FKBP5: variants seen among roughly 807,000 people sequenced by gnomAD.
The protein encoded by FKBP5 is FKBP prolyl isomerase 5.
A neutral mutation model predicts 50.5 loss-of-function variants in FKBP5; 23 were observed. The observed-to-expected ratio is 0.46, with a 90% confidence interval of 0.33 to 0.65. The LOEUF (loss-of-function observed/expected upper bound fraction) is 0.65. Ranked by LOEUF, FKBP5 falls within the 30% of genes least tolerant of loss-of-function variation. The probability of loss-of-function intolerance (pLI) is 0.02; values close to 1 mark genes in which losing one functional copy is unlikely to be tolerated. For synonymous variants in FKBP5, 176 were observed against 190.6 expected (o/e 0.92, Z 0.63); for missense variants, 411 against 553.1 (o/e 0.74, Z 2.58).
intron 3 of FKBP5, among the ~76,000 whole-genome samples, chr6:35,626,458 T>C (rs1332822826): frequency 1.3e-5 from 2 of 152,180 alleles, no homozygotes; most frequent in Admixed American, 1.3e-4. Flanking sequence ...GACTACATAA[T>C]GTTTTCTCCT....
intron 8 of FKBP5, 103 bp downstream of exon 8, chr6:35,586,931 C>T (rs765946412): frequency 1.3e-6 from 2 of 1,568,996 alleles, no homozygotes; most frequent in Non-Finnish European, 1.7e-6. Context: ...CTTATTCTTA[C>T]CAAGCAGTGT....
At chr6:35,628,974 C>A (rs1581832493) in intron 3 of FKBP5, among the ~76,000 whole-genome samples, 1 of 152,350 alleles carries the variant, frequency 6.6e-6, no homozygotes, top group Admixed American at 6.5e-5. Context: ...GCCTCGGCCT[C>A]CCAAAGTGCC....
intron 2 of FKBP5, 37 bp from the exon 3 acceptor site, chr6:35,637,195 C>G: frequency 1.3e-6 from 2 of 1,588,388 alleles, no homozygotes; most frequent in Non-Finnish European, 1.7e-6. Context: ...GGAGGTCAAA[C>G]TTTTTACTTG....
At chr6:35,612,754 C>T (rs576889968) in intron 5 of FKBP5, among the ~76,000 whole-genome samples, 13 of 152,310 alleles carry the variant, frequency 8.5e-5, no homozygotes, top group Non-Finnish European at 1.3e-4. Context: ...CATCAGATCT[C>T]GTGACAACTC....
intron 9 of FKBP5, among the ~76,000 whole-genome samples, chr6:35,577,598 T>TA (rs1178368680): frequency 6.6e-6 from 1 of 152,242 alleles, no homozygotes; most frequent in Non-Finnish European, 1.5e-5. Context: ...ACAGTTTGGT[T>TA]ACTAGCATGT....
intron 1 of FKBP5, among the ~76,000 whole-genome samples, chr6:35,675,547 G>C (rs1353537448): frequency 6.6e-6 from 1 of 152,166 alleles, no homozygotes; most frequent in Non-Finnish European, 1.5e-5. Flanking sequence ...TCCAGCCTGG[G>C]TGACAGAGAA....
At chr6:35,710,543 A>T (rs1422124078) in intron 2 of FKBP5, among the ~76,000 whole-genome samples, 1 of 152,220 alleles carries the variant, frequency 6.6e-6, no homozygotes, top group East Asian at 1.9e-4. Context: ...TGGAACTGTC[A>T]TACTTTGCTG....
chr6:35,617,859 A>C (rs756763779), intron 5 of FKBP5, among the ~76,000 whole-genome samples: 10 of 152,224 alleles, frequency 6.6e-5, no homozygotes, highest in Non-Finnish European at 1.2e-4. Context: ...AGAGTTAGCT[A>C]TCTCAGTCCT....
chr6:35,619,323 T>A, intron 4 of FKBP5, 113 bp from the exon 5 acceptor site: 1 of 631,450 alleles, frequency 1.6e-6, no homozygotes, highest in Non-Finnish European at 2.7e-6. Flanking sequence ...TGTTTTAAAA[T>A]ATATACATTC....
chr6:35,713,832 T>G (rs1766461035), intron 2 of FKBP5, among the ~76,000 whole-genome samples: 1 of 152,178 alleles, frequency 6.6e-6, no homozygotes, highest in Admixed American at 6.5e-5. Flanking sequence ...GCCCCACCTG[T>G]CCAACTACTA....
At chr6:35,622,424 G>A (rs1342964810) in intron 3 of FKBP5, among the ~76,000 whole-genome samples, 1 of 151,736 alleles carries the variant, frequency 6.6e-6, no homozygotes, top group Non-Finnish European at 1.5e-5. Flanking sequence ...GACAGGAGAA[G>A]AGCTTGAGCC....
At chr6:35,693,866 C>G (rs1267821647), upstream of FKBP5, among the ~76,000 whole-genome samples, 1 of 151,510 alleles carries the variant, frequency 6.6e-6, no homozygotes, top group Admixed American at 6.6e-5. Flanking sequence ...TCATGTATTT[C>G]CCAGTACCCT....
rs552906381 is a variant in FKBP5, at chr6:35,701,248, GTTTTT to G, written c.-20+19075_-20+19079del. On this transcript the variant is annotated intron_variant, in intron 2 of 11. Transcript: ENST00000536438. ...GTTTGTTTTTGTTTTTTGTTTTTTTGTTTTTTTTTTTTTGAGACGGAGTCTCGCTC... is the reference window on the plus strand; with the variant it reads ...GTTTGTTTTTGTTTTTTGTTTTTTTGTTTTTTTTGAGACGGAGTCTCGCTC... Among the ~76,000 whole-genome samples, 5 of 139,364 alleles carry G rather than the reference GTTTTT, an allele frequency of 3.6e-5. No individual in the cohort carries two copies. In the Admixed American group the frequency reaches 3.7e-4, roughly 10 times the overall value. 91.4% of individuals were successfully genotyped at this position (139,364 alleles called of 152,430 possible).
At chr6:35,591,758 A>G (rs911054250) in intron 6 of FKBP5, among the ~76,000 whole-genome samples, 1 of 152,212 alleles carries the variant, frequency 6.6e-6, no homozygotes, top group Non-Finnish European at 1.5e-5. Flanking sequence ...TCAGGAGAGA[A>G]AAGTTTTCAC....
At position 35,575,945 on chromosome 6, in the gene FKBP5, A is replaced by C; in HGVS notation, c.1267-3T>G. On this transcript the variant is annotated splice_region_variant and splice_polypyrimidine_tract_variant and intron_variant, in intron 10 of 10. Transcript: ENST00000357266. The stretch of plus-strand genomic sequence containing the variant: ...CCCATTGCTTTATTGGCCTCTTCCT[A>C]AGGAAGAAATAAGCAATCAAGAAGG... 1 of 1,586,522 alleles carries C rather than the reference A, an allele frequency of 6.3e-7. No homozygotes were observed. The highest frequency in any genetic ancestry group is 2.2e-5 in the East Asian group (1 of 44,738).
At chr6:35,715,264 G>T (rs552043279) in intron 2 of FKBP5, among the ~76,000 whole-genome samples, 2 of 152,312 alleles carry the variant, frequency 1.3e-5, no homozygotes, top group South Asian at 2.1e-4. Flanking sequence ...CAAACTGGCT[G>T]TGAGTAAATC....
chr6:35,655,288 A>G (rs1764917308), intron 1 of FKBP5, among the ~76,000 whole-genome samples: 1 of 152,236 alleles, frequency 6.6e-6, no homozygotes, highest in African/African-American at 2.4e-5. Flanking sequence ...ATTGTAGTGG[A>G]GATACAGCAT....
At chr6:35,592,108 G>A (rs561097003) in intron 6 of FKBP5, among the ~76,000 whole-genome samples, 3 of 152,332 alleles carry the variant, frequency 2.0e-5, no homozygotes, top group African/African-American at 7.2e-5. Flanking sequence ...TTAGTCAAGT[G>A]TTCACTGAAA....
At chr6:35,576,216 C>A (rs894867299) in intron 10 of FKBP5, among the ~76,000 whole-genome samples, 2 of 152,062 alleles carry the variant, frequency 1.3e-5, no homozygotes, top group Non-Finnish European at 2.9e-5. Flanking sequence ...TGTAGGGAGG[C>A]CGCCCTCTCT....
Sources: gnomAD v4.1 joint callset for allele counts (sites outside exome capture counted in the v4.1 genomes callset) on GRCh38, gnomAD v4.1.1 for gene constraint, MANE v1.5 for transcripts, NCBI Gene and HGNC (gene_info 2026-07-23, HGNC 2026-07-21) for gene names.